Variants in ULK4 observed in about 807,000 individuals in gnomAD.
ULK4 encodes the protein unc-51 like kinase 4.
ULK4 carries 133 observed loss-of-function variants against 160.6 expected under a neutral mutation model. The ratio of observed to expected loss-of-function variants is 0.83; its 90% CI spans 0.72 to 0.96. The LOEUF (loss-of-function observed/expected upper bound fraction) is 0.96. Ranked by LOEUF, ULK4 falls within the 40% of genes least tolerant of loss-of-function variation. The pLI is 0.00. For missense variants in ULK4, 1,580 were observed against 1,499.5 expected, an observed-to-expected ratio of 1.05 and a Z score of -0.89; for synonymous variants, 534 against 539.8, an observed-to-expected ratio of 0.99 and a Z score of 0.15.
At chr3:41,933,324 T>C (rs969915748) in intron 4 of ULK4, among the ~76,000 whole-genome samples, 2 of 152,192 alleles carry the variant, frequency 1.3e-5, no homozygotes, top group Non-Finnish European at 2.9e-5. Context: ...TTGTTGTTGG[T>C]AAAGAGCCAG....
chr3:41,475,822 T>C (rs2125891247), intron 32 of ULK4, among the ~76,000 whole-genome samples: 1 of 151,910 alleles, frequency 6.6e-6, no homozygotes. Context: ...TGTAGACATA[T>C]TTGCTTCCCT....
chr3:41,638,638 C>G (rs185939602), intron 30 of ULK4, among the ~76,000 whole-genome samples: 215 of 152,352 alleles, frequency 1.4e-3, no homozygotes, highest in African/African-American at 4.9e-3. Flanking sequence ...ACAGTTTAGT[C>G]TGGCAGCTCT....
At chr3:41,724,114 T>C (rs544869806) in intron 22 of ULK4, among the ~76,000 whole-genome samples, 14 of 152,366 alleles carry the variant, frequency 9.2e-5, no homozygotes, top group African/African-American at 3.1e-4. Context: ...GCCTGACTTA[T>C]CTGTTCTACA....
chr3:41,481,163 T>C (rs371143120), intron 32 of ULK4, among the ~76,000 whole-genome samples: 15 of 152,386 alleles, frequency 9.8e-5, no homozygotes, highest in African/African-American at 3.6e-4. Flanking sequence ...GGAGGCTTTT[T>C]ACCATGTTGG....
intron 2 of ULK4, among the ~76,000 whole-genome samples, chr3:41,953,285 C>CATAT (rs1553692179): frequency 1.2e-4 from 10 of 85,936 alleles, no homozygotes; most frequent in African/African-American, 3.8e-4. Flanking sequence ...CATATATACA[C>CATAT]ATATATATAT....
chr3:41,609,539 T>C (rs1243590727), intron 31 of ULK4, among the ~76,000 whole-genome samples: 1 of 152,206 alleles, frequency 6.6e-6, no homozygotes, highest in Non-Finnish European at 1.5e-5. Flanking sequence ...CAACAAAAAA[T>C]TGTTATATGG....
At chr3:41,391,703 C>T (rs2081960244) in intron 35 of ULK4, among the ~76,000 whole-genome samples, 1 of 151,818 alleles carries the variant, frequency 6.6e-6, no homozygotes, top group Admixed American at 6.6e-5. Flanking sequence ...CACGTCTGTT[C>T]TCATGTGGAA....
At chr3:41,840,376 T>A (rs1422853908) in intron 17 of ULK4, among the ~76,000 whole-genome samples, 1 of 152,160 alleles carries the variant, frequency 6.6e-6, no homozygotes, top group Non-Finnish European at 1.5e-5. Flanking sequence ...GCCCTCTCCC[T>A]CTCCCTCTCC....
At chr3:41,932,059 T>C (rs192986471) in intron 4 of ULK4, 53 bp from the exon 5 acceptor site, 16 of 1,534,226 alleles carry the variant, frequency 1.0e-5, no homozygotes, top group Non-Finnish European at 1.4e-5. Context: ...AATTTGTACA[T>C]ATATCAGTAC....
intron 32 of ULK4, among the ~76,000 whole-genome samples, chr3:41,503,074 C>T (rs2085264931): frequency 6.6e-6 from 1 of 152,040 alleles, no homozygotes; most frequent in Non-Finnish European, 1.5e-5. Context: ...TACAGAAATT[C>T]AAAAAGGTAC....
chr3:41,259,005 TATAC>T (rs1396153598), intron 35 of ULK4, among the ~76,000 whole-genome samples: 1 of 147,790 alleles, frequency 6.8e-6, no homozygotes, highest in Non-Finnish European at 1.5e-5. Context: ...TATACATATG[TATAC>T]ATATATACAT....
chr3:41,348,747 C>A (rs2080854108), intron 35 of ULK4, among the ~76,000 whole-genome samples: 1 of 152,152 alleles, frequency 6.6e-6, no homozygotes, highest in South Asian at 2.1e-4. Context: ...ACACATCATA[C>A]TTCCAAGGAA....
intron 12 of ULK4, among the ~76,000 whole-genome samples, chr3:41,906,510 CAG>C (rs1291612251): frequency 6.6e-6 from 1 of 151,480 alleles, no homozygotes; most frequent in Non-Finnish European, 1.5e-5. Context: ...GCCTGGATGA[CAG>C]AGTGAGACAT....
chr3:41,305,829 G>C (rs1251350380), intron 35 of ULK4, among the ~76,000 whole-genome samples: 2 of 148,488 alleles, frequency 1.3e-5, no homozygotes, highest in Non-Finnish European at 3.0e-5. Flanking sequence ...GTCTCTGCCC[G>C]GCCGCCCATA....
intron 35 of ULK4, among the ~76,000 whole-genome samples, chr3:41,281,325 C>G (rs1014673313): frequency 6.6e-6 from 1 of 152,140 alleles, no homozygotes; most frequent in African/African-American, 2.4e-5. Flanking sequence ...ATCCTGATAC[C>G]AAAGCCTTGC....
intron 32 of ULK4, among the ~76,000 whole-genome samples, chr3:41,506,765 A>AAAAAAAAAAAAAAAAAAAATAT (rs1491135487): frequency 9.6e-5 from 1 of 10,448 alleles, no homozygotes; most frequent in Non-Finnish European, 2.2e-4. Context: ...AGTGTGATTT[A>AAAAAAAAAAAAAAAAAAAATAT]AAATATATAT....
At chr3:41,354,874 CAG>C (rs956333295) in intron 35 of ULK4, among the ~76,000 whole-genome samples, 2 of 152,188 alleles carry the variant, frequency 1.3e-5, no homozygotes, top group African/African-American at 4.8e-5. Flanking sequence ...TGTTTTATTT[CAG>C]AGATCCAGAA....
intron 25 of ULK4, among the ~76,000 whole-genome samples, chr3:41,710,746 A>T (rs2125835992): frequency 6.6e-6 from 1 of 151,692 alleles, no homozygotes; most frequent in South Asian, 2.1e-4. Flanking sequence ...GTGAGCCGAG[A>T]TCGCTCCGCT....
At position 41,754,380 on chromosome 3, in the gene ULK4, G is replaced by C. The variant is rs543516263; in HGVS notation, c.2302C>G (p.Leu768Val). 7 of 1,611,484 alleles carry C rather than the reference G, an allele frequency of 4.3e-6. No individual in the cohort carries two copies. Among genetic ancestry groups the C allele is most frequent in the Middle Eastern group, 1.7e-4 (1 of 6,058 alleles). ...YILIYNREML[L>V]LSCQARLVMY... Reference sequence around the variant, plus strand: ...TCTTACCTTGCTTGGCAACTGAGCAGCAACATCTCACGGTTATAAATCAAA... The same window carrying C: ...TCTTACCTTGCTTGGCAACTGAGCACCAACATCTCACGGTTATAAATCAAA... Residue 768 changes from leucine (L) to valine (V), a missense_variant, in exon 22 of 37, where the codon CTG (leucine) becomes GTG (valine). Transcript: ENST00000301831.
Sources: allele counts gnomAD v4.1 joint callset (sites outside exome capture counted in the v4.1 genomes callset), GRCh38; gene constraint gnomAD v4.1.1; transcripts MANE v1.5; gene names NCBI Gene and HGNC (gene_info 2026-07-23, HGNC 2026-07-21).